Variants in SPOCK1 observed in about 807,000 individuals in gnomAD.
SPOCK1 encodes the protein SPARC (osteonectin), cwcv and kazal like domains proteoglycan 1, also known as testican-1.
A neutral mutation model predicts 55.3 loss-of-function variants in SPOCK1; 23 were observed. The ratio of observed to expected loss-of-function variants is 0.42; its 90% confidence interval spans 0.30 to 0.59. SPOCK1 has a LOEUF of 0.59. SPOCK1 is among the 20% of genes least tolerant of loss of function. The pLI, the probability that SPOCK1 is intolerant of heterozygous loss-of-function variation, is 0.22. For missense variants in SPOCK1, 499 were observed against 552.5 expected (o/e 0.90, Z 0.97); for synonymous variants, 226 against 221.0 (o/e 1.02, Z -0.20).
At chr5:137,330,780 C>T (rs561772640) in intron 2 of SPOCK1, among the ~76,000 whole-genome samples, 3 of 152,314 alleles carry the variant, frequency 2.0e-5, no homozygotes, top group East Asian at 3.9e-4. Context: ...CCCACATTCA[C>T]CTTGATAATT....
At chr5:137,265,275 C>G (rs1172681512) in intron 3 of SPOCK1, among the ~76,000 whole-genome samples, 1 of 152,192 alleles carries the variant, frequency 6.6e-6, no homozygotes, top group African/African-American at 2.4e-5. Flanking sequence ...TGTCTTCCCT[C>G]GGGAGAGTGT....
At chr5:137,241,078 G>C (rs1291704702) in intron 3 of SPOCK1, among the ~76,000 whole-genome samples, 1 of 152,154 alleles carries the variant, frequency 6.6e-6, no homozygotes. Flanking sequence ...TGGATAATGA[G>C]ATTGATAGGA....
At chr5:137,301,019 G>T (rs879492110) in intron 2 of SPOCK1, among the ~76,000 whole-genome samples, 5 of 152,196 alleles carry the variant, frequency 3.3e-5, no homozygotes, top group Admixed American at 3.3e-4. Context: ...TCTTAATAAA[G>T]GAAGAGGCTC....
At chr5:137,343,879 C>T (rs1387060666) in intron 2 of SPOCK1, among the ~76,000 whole-genome samples, 1 of 152,164 alleles carries the variant, frequency 6.6e-6, no homozygotes, top group African/African-American at 2.4e-5. Flanking sequence ...TCCAAGAGGT[C>T]ACCTCTGGGA....
chr5:137,320,292 G>A (rs1757958077), intron 2 of SPOCK1, among the ~76,000 whole-genome samples: 1 of 152,164 alleles, frequency 6.6e-6, no homozygotes, highest in Non-Finnish European at 1.5e-5. Context: ...ACATACCTTG[G>A]ATGCCTGGTA....
intron 3 of SPOCK1, among the ~76,000 whole-genome samples, chr5:137,199,417 C>T (rs1486261978): frequency 4.6e-5 from 7 of 152,082 alleles, no homozygotes; most frequent in Non-Finnish European, 8.8e-5. Flanking sequence ...AAAAGAGCCT[C>T]CTGGGTTGCA....
intron 2 of SPOCK1, among the ~76,000 whole-genome samples, chr5:137,302,838 C>T (rs1299925132): frequency 1.3e-5 from 2 of 152,122 alleles, no homozygotes; most frequent in African/African-American, 4.8e-5. Context: ...CTGTCTCAGT[C>T]TTTGGGGAGT....
chr5:137,274,609 G>A (rs748497090), intron 2 of SPOCK1, among the ~76,000 whole-genome samples: 2 of 152,230 alleles, frequency 1.3e-5, no homozygotes, highest in Non-Finnish European at 2.9e-5. Context: ...GGAACACTGA[G>A]AGAAACATTA....
At chr5:137,176,755 T>C (rs1468325013) in intron 3 of SPOCK1, among the ~76,000 whole-genome samples, 3 of 151,930 alleles carry the variant, frequency 2.0e-5, no homozygotes, top group Non-Finnish European at 2.9e-5. Flanking sequence ...AAAAGAAAAA[T>C]GATGCTAATA....
At chr5:137,074,818 T>C (rs1314049104) in intron 5 of SPOCK1, among the ~76,000 whole-genome samples, 3 of 151,112 alleles carry the variant, frequency 2.0e-5, no homozygotes, top group Non-Finnish European at 3.0e-5. Context: ...CATTCTCCTT[T>C]CTCAGCCTCC....
At chr5:137,345,034 G>A (rs1750526542) in intron 2 of SPOCK1, among the ~76,000 whole-genome samples, 1 of 152,188 alleles carries the variant, frequency 6.6e-6, no homozygotes, top group Admixed American at 6.5e-5. Context: ...TCACAGGTAA[G>A]TAGAAACATG....
chr5:137,314,877 A>C (rs1757849742), intron 2 of SPOCK1, among the ~76,000 whole-genome samples: 2 of 152,144 alleles, frequency 1.3e-5, no homozygotes, highest in South Asian at 4.2e-4. Flanking sequence ...CCATGTCTTT[A>C]ATTGGCTTTA....
intron 6 of SPOCK1, among the ~76,000 whole-genome samples, chr5:137,034,960 G>A (rs1315974044): frequency 6.6e-6 from 1 of 152,140 alleles, no homozygotes; most frequent in African/African-American, 2.4e-5. Context: ...GCCCAGCCTT[G>A]GTGGGGGTGG....
At chr5:137,400,726 C>T (rs961613985) in intron 2 of SPOCK1, among the ~76,000 whole-genome samples, 3 of 152,252 alleles carry the variant, frequency 2.0e-5, no homozygotes, top group East Asian at 1.9e-4. Flanking sequence ...AGAACTTTAG[C>T]GGGCCCTTGA....
At chr5:137,187,367 A>T (rs908298727) in intron 3 of SPOCK1, among the ~76,000 whole-genome samples, 15 of 151,992 alleles carry the variant, frequency 9.9e-5, no homozygotes, top group African/African-American at 3.4e-4. Flanking sequence ...TTCTTTCTAC[A>T]TTCCTTATCT....
chr5:137,491,030 C>T (rs771137861), intron 2 of SPOCK1, among the ~76,000 whole-genome samples: 13 of 152,246 alleles, frequency 8.5e-5, no homozygotes, highest in South Asian at 2.1e-4. Flanking sequence ...TAGATCATTA[C>T]GAATTAAAAT....
intron 3 of SPOCK1, among the ~76,000 whole-genome samples, chr5:137,181,470 C>T (rs1754967715): frequency 6.6e-6 from 1 of 152,166 alleles, no homozygotes; most frequent in Admixed American, 6.5e-5. Context: ...AAATGAGGCT[C>T]TCTCAAATTT....
At chr5:137,054,872 A>G (rs1189410873) in intron 6 of SPOCK1, among the ~76,000 whole-genome samples, 2 of 152,236 alleles carry the variant, frequency 1.3e-5, no homozygotes, top group African/African-American at 4.8e-5. Flanking sequence ...GATAAATTAG[A>G]CATAATCCCT....
At chr5:137,070,822 C>T (rs1392893982) in intron 5 of SPOCK1, among the ~76,000 whole-genome samples, 2 of 152,146 alleles carry the variant, frequency 1.3e-5, no homozygotes, top group Non-Finnish European at 2.9e-5. Flanking sequence ...GCAGCATCCC[C>T]TCTCCTGTCC....
Sources: gnomAD v4.1 joint callset for allele counts (sites outside exome capture counted in the v4.1 genomes callset) on GRCh38, gnomAD v4.1.1 for gene constraint, MANE v1.5 for transcripts, NCBI Gene and HGNC (gene_info 2026-07-23, HGNC 2026-07-21) for gene names.